The following MED17 variants were observed in gnomAD, a reference collection of about 807,000 sequenced individuals.
The protein encoded by MED17 is mediator of RNA polymerase II transcription subunit 17.
MED17 carries 49 observed loss-of-function variants against 80.8 expected under a neutral mutation model. The observed-to-expected ratio is 0.61, with a 90% confidence interval of 0.48 to 0.77. MED17 has a LOEUF of 0.77. MED17 is among the 30% of genes least tolerant of loss of function. The probability of loss-of-function intolerance (pLI) is 0.00; values close to 1 mark genes in which losing one functional copy is unlikely to be tolerated. For missense variants in MED17, 718 were observed against 787.0 expected (o/e 0.91, Z 1.05); for synonymous variants, 281 against 280.4 (o/e 1.00, Z -0.02).
intron 10 of MED17, chr11:93,808,642 A>T (rs1384179527): frequency 1.3e-5 from 2 of 151,546 alleles, no homozygotes; most frequent in Non-Finnish European, 2.9e-5. Flanking sequence ...CCTATATCTC[A>T]GAAGCAATAA....
At chr11:93,808,753 T>C (rs694307) in intron 10 of MED17, 142,569 of 151,986 alleles carry the variant, frequency 0.94, 67,601 homozygotes, top group East Asian at 1. Flanking sequence ...CTTTGGTTAC[T>C]TTAAGCACAC....
In MED17 at chr11:93,795,343, T is replaced by C. The variant is rs79017912; in HGVS notation, c.1012+283T>C. On this transcript the variant is annotated intron_variant, in intron 6 of 11. Coordinates refer to ENST00000251871, the MANE Select transcript of MED17 (RefSeq NM_004268.5). ...AAGAAAATTTGCACTAGCATAGCTA[T>C]AGTTATTTAGCAACAGTTGCTTTGA... is the stretch of plus-strand genomic sequence containing the variant. 0.022 allele frequency: 9,743 copies of C among 434,274 alleles called. 798 individuals are homozygous for C. Among genetic ancestry groups the C allele is most frequent in the African/African-American group, 0.18 (8,809 of 50,294 alleles). 26.9% of individuals were successfully genotyped at this position (434,274 alleles called of 1,614,324 possible).
chr11:93,802,792 CTG>C (rs1455044861), intron 9 of MED17, among the ~76,000 whole-genome samples: 1 of 152,124 alleles, frequency 6.6e-6, no homozygotes, highest in Non-Finnish European at 1.5e-5. Flanking sequence ...AACTGTGTGT[CTG>C]TGAAGGAGGT....
chr11:93,810,091 C>G, intron 11 of MED17: 1 of 544,616 alleles, frequency 1.8e-6, no homozygotes, highest in South Asian at 2.0e-5. Context: ...AGATTGGCAG[C>G]ACATTTTCCT....
rs1943872714 is a variant in MED17 at position 93,794,035 on chromosome 11, G to C, written c.859G>C (p.Gly287Arg). ...FKRPLPKSKP[G>R]SPHWQTKLEA... ...ACGACCTTTGCCCAAATCCAAACCAGGTATGGTTATGTTCTATTCTCTAAT... is the reference window on the plus strand; with the variant it reads ...ACGACCTTTGCCCAAATCCAAACCACGTATGGTTATGTTCTATTCTCTAAT... The change falls in exon 5 of 12, where the codon GGT becomes CGT. Residue 287 changes from glycine (G) to arginine (R), a missense_variant and splice_region_variant. Coordinates refer to ENST00000251871, the MANE Select transcript of MED17 (RefSeq NM_004268.5). 6.2e-7 allele frequency: 1 copy of C among 1,610,164 alleles called. No individual in the cohort carries two copies. Among genetic ancestry groups the C allele is most frequent in the Non-Finnish European group, 8.5e-7 (1 of 1,176,642 alleles).
chr11:93,800,663 T>C (rs1004873618), intron 8 of MED17: 2 of 152,186 alleles, frequency 1.3e-5, no homozygotes, highest in African/African-American at 4.8e-5. Context: ...AGACAGCATC[T>C]TACTCTGGCT....
chr11:93,805,631 T>C (rs1245111542), intron 9 of MED17, among the ~76,000 whole-genome samples: 1 of 152,162 alleles, frequency 6.6e-6, no homozygotes, highest in East Asian at 1.9e-4. Flanking sequence ...CCAAATTGTT[T>C]TTCAAAGTGG....
At chr11:93,794,237 TC>T in intron 5 of MED17, 1 of 439,414 alleles carries the variant, frequency 2.3e-6, no homozygotes, top group Non-Finnish European at 4.2e-6. Flanking sequence ...CAAGTTTCTC[TC>T]TTGTTGCCCA....
chr11:93,812,211 A>G lies in MED17; in HGVS notation c.*147A>G, dbSNP rs1389971775. ...AGGAAATGTTTATTTAGCACTTTCA[A>G]ACTTTTCACTTTATAAATGACAAGT... On this transcript the variant is annotated 3_prime_UTR_variant, in exon 12 of 12. Transcript: ENST00000251871. 8 of 727,530 alleles carry G rather than the reference A, an allele frequency of 1.1e-5. No individual in the cohort carries two copies. Among genetic ancestry groups the G allele is most frequent in the East Asian group, 5.4e-5 (2 of 37,304 alleles). The allele number at this position is 727,530 out of a possible 1,614,324, so 45.1% of individuals were successfully genotyped here. A position where few individuals can be genotyped will look rare whatever the true frequency, so the allele number is the denominator to read the frequency against.
intron 6 of MED17, 101 bp downstream of exon 6, chr11:93,795,161 G>A (rs1211458218): frequency 1.5e-6 from 2 of 1,292,932 alleles, no homozygotes; most frequent in Non-Finnish European, 2.2e-6. Context: ...AATAATGAGA[G>A]CAAAGAAATA....
rs551062342 is a variant in MED17 at position 93,794,743 on chromosome 11, A to G, written c.860-165A>G. The G allele has an allele frequency of 8.7e-5, 60 of 690,758 alleles. 1 individual carries two copies. The East Asian group carries it at 1.6e-3, about 18-fold the overall frequency. The allele number at this position is 690,758 out of a possible 1,614,324, so 42.8% of individuals were successfully genotyped here. ...CGGGATGATTTGTAACACAGTTGGC[A>G]TTGGCAATTTTTGACAGTCTCTATA... On this transcript the variant is annotated intron_variant, in intron 5 of 11. Transcript: ENST00000251871.
rs946166253 is a variant in MED17, at chr11:93,797,520, G to A, written c.1144-15G>A. Reference sequence around the variant, plus strand: ...CTATGTGGATATTGGTATTTAAAATGGCTGTTTTTGTTAGTTTCATAAACA... The same window carrying A: ...CTATGTGGATATTGGTATTTAAAATAGCTGTTTTTGTTAGTTTCATAAACA... On this transcript the variant is annotated splice_polypyrimidine_tract_variant and intron_variant, in intron 7 of 11. Transcript: ENST00000251871. 1 of 1,611,226 alleles carries A rather than the reference G, an allele frequency of 6.2e-7. No homozygotes were observed.
chr11:93,794,160 C>A, intron 5 of MED17, 125 bp downstream of exon 5: 15 of 717,780 alleles, frequency 2.1e-5, no homozygotes, highest in East Asian at 3.0e-5. Flanking sequence ...AAATATACTT[C>A]TAAAATTTAT....
At chr11:93,803,476 TAAAG>T (rs1451681832) in intron 9 of MED17, among the ~76,000 whole-genome samples, 1 of 152,070 alleles carries the variant, frequency 6.6e-6, no homozygotes, top group African/African-American at 2.4e-5. Context: ...TCCCCTTATC[TAAAG>T]AAAGAATAAA....
At position 93,790,671 on chromosome 11, in the gene MED17, C is replaced by A; in HGVS notation, c.515C>A (p.Thr172Asn). The A allele has an allele frequency of 6.2e-7, 1 of 1,614,164 alleles. No homozygotes were observed. The highest frequency in any genetic ancestry group is 8.5e-7 in the Non-Finnish European group (1 of 1,180,034). Residue 172 changes from threonine to asparagine, a missense_variant, in exon 3 of 12, where the codon ACC (threonine) becomes AAC (asparagine). Physicochemically the swap from Thr to Asn is moderately conservative, Grantham distance 65 (BLOSUM62 0). Transcript: ENST00000251871. Reference protein sequence around the residue: ...KGAERLTKSVTENQENKLQRD... With the variant: ...KGAERLTKSVNENQENKLQRD... ...GCAGAAAGACTGACTAAATCAGTTACCGAAAACCAAGAAAACAAGCTACAA... is the reference window on the plus strand; with the variant it reads ...GCAGAAAGACTGACTAAATCAGTTAACGAAAACCAAGAAAACAAGCTACAA...
chr11:93,798,079 T>C (rs893076730), intron 8 of MED17, among the ~76,000 whole-genome samples: 1 of 152,246 alleles, frequency 6.6e-6, no homozygotes, highest in Non-Finnish European at 1.5e-5. Context: ...TTGCACATTT[T>C]AGAGTTTGGA....
chr11:93,797,437 TC>T, intron 7 of MED17, 97 bp from the exon 8 acceptor site: 8 of 1,208,454 alleles, frequency 6.6e-6, no homozygotes, highest in Non-Finnish European at 9.8e-6. Context: ...GTGGTTCAAA[TC>T]CATTCCTTTC....
At position 93,786,090 on chromosome 11, in the gene MED17, A is replaced by G. The variant is rs147163885; in HGVS notation, c.250+1327A>G. On this transcript the variant is annotated intron_variant, in intron 1 of 11. Coordinates refer to ENST00000251871, the MANE Select transcript of MED17 (RefSeq NM_004268.5). ...TTTAAAAATAATGGGAAAAGATGCCATAAGCAAAGTAAAAAGATAAATGAC... is the reference window on the plus strand; with the variant it reads ...TTTAAAAATAATGGGAAAAGATGCCGTAAGCAAAGTAAAAAGATAAATGAC... Among the ~76,000 whole-genome samples the G allele has an allele frequency of 9.2e-5, 14 of 152,354 alleles. No homozygotes were observed. The East Asian group carries it at 2.7e-3, about 29-fold the overall frequency.
intron 9 of MED17, chr11:93,807,152 C>A: frequency 4.5e-6 from 1 of 221,798 alleles, no homozygotes; most frequent in African/African-American, 2.4e-5. Flanking sequence ...TGGCTCAGGC[C>A]TGTAATCCCA....
Sources: gnomAD v4.1 joint callset for allele counts (sites outside exome capture counted in the v4.1 genomes callset) on GRCh38, gnomAD v4.1.1 for gene constraint, MANE v1.5 for transcripts, NCBI Gene and HGNC (gene_info 2026-07-23, HGNC 2026-07-21) for gene names.